NR4A3: variants seen among roughly 807,000 people sequenced by gnomAD.
NR4A3 encodes the protein chondrosarcoma, extraskeletal myxoid, fused to EWS.
NR4A3 carries 13 observed loss-of-function variants against 55.6 expected under a neutral mutation model. The ratio of observed to expected loss-of-function variants is 0.23; its 90% CI spans 0.15 to 0.37. The LOEUF (loss-of-function observed/expected upper bound fraction) is 0.37. Among genes scored for constraint, NR4A3 ranks in the 10% least tolerant of loss-of-function variants. NR4A3 has a pLI of 1.00. For missense variants in NR4A3, 646 were observed against 822.8 expected (o/e 0.79, Z 2.63); for synonymous variants, 342 against 357.9 (o/e 0.96, Z 0.50).
chr9:99,850,145 C>T (rs1026200280), intron 7 of NR4A3, among the ~76,000 whole-genome samples: 1 of 152,126 alleles, frequency 6.6e-6, no homozygotes, highest in Non-Finnish European at 1.5e-5. Flanking sequence ...GAACCTTCCA[C>T]GCCTAGGTGA....
At chr9:99,829,215 G>C in intron 3 of NR4A3, among the ~76,000 whole-genome samples, 1 of 152,184 alleles carries the variant, frequency 6.6e-6, no homozygotes, top group East Asian at 1.9e-4. Context: ...GGGGGTCCGT[G>C]AACCTCCTGG....
intron 5 of NR4A3, among the ~76,000 whole-genome samples, chr9:99,839,507 T>C (rs1253362975): frequency 6.6e-6 from 1 of 152,208 alleles, no homozygotes; most frequent in African/African-American, 2.4e-5. Flanking sequence ...AAATATCTCA[T>C]TTGGGGCCTG....
chr9:99,844,436 G>T (rs1344430893), intron 5 of NR4A3, among the ~76,000 whole-genome samples: 1 of 152,232 alleles, frequency 6.6e-6, no homozygotes, highest in African/African-American at 2.4e-5. Context: ...AAATTTCCTT[G>T]TCTATTAAGT....
chr9:99,835,925 G>A (rs1827552074), intron 5 of NR4A3, among the ~76,000 whole-genome samples: 1 of 152,150 alleles, frequency 6.6e-6, no homozygotes, highest in Admixed American at 6.5e-5. Flanking sequence ...TTTGGGGCCT[G>A]GCTCAATTTT....
At chr9:99,829,838 C>T (rs573802528) in intron 3 of NR4A3, among the ~76,000 whole-genome samples, 74 of 152,308 alleles carry the variant, frequency 4.9e-4, no homozygotes, top group African/African-American at 1.7e-3. Context: ...CAGCCTCCCC[C>T]ATATTTTACC....
At chr9:99,831,522 A>T (rs1349005484) in intron 3 of NR4A3, among the ~76,000 whole-genome samples, 2 of 152,214 alleles carry the variant, frequency 1.3e-5, no homozygotes, top group Non-Finnish European at 2.9e-5. Context: ...AAACTGAAAC[A>T]TGGGGGTTGA....
chr9:99,846,322 C>A (rs1827753039), intron 6 of NR4A3, among the ~76,000 whole-genome samples: 1 of 152,208 alleles, frequency 6.6e-6, no homozygotes, highest in South Asian at 2.1e-4. Context: ...CAAATCCTTT[C>A]TTTTATTTAA....
chr9:99,829,010 C>T lies in NR4A3; in HGVS notation c.951+17C>T. 7.5e-7 allele frequency: 1 copy of T among 1,324,534 alleles called. No homozygotes were observed. Among genetic ancestry groups the T allele is most frequent in the East Asian group, 2.9e-5 (1 of 34,016 alleles). The allele number at this position is 1,324,534 out of a possible 1,614,324, so 82.0% of individuals were successfully genotyped here. ...TTTTTCAAGGTGAGCGCACGCCGCCCCCTCCCCTCCGCACCCAGCCCCCTC... is the reference window on the plus strand; with the variant it reads ...TTTTTCAAGGTGAGCGCACGCCGCCTCCTCCCCTCCGCACCCAGCCCCCTC... On this transcript the variant is annotated intron_variant, in intron 3 of 7. Transcript: ENST00000395097.
chr9:99,842,420 A>G (rs1005141004), intron 5 of NR4A3, among the ~76,000 whole-genome samples: 1 of 152,198 alleles, frequency 6.6e-6, no homozygotes, highest in Non-Finnish European at 1.5e-5. Flanking sequence ...CAGTGAGAGT[A>G]AAGCAAAATG....
intron 5 of NR4A3, among the ~76,000 whole-genome samples, chr9:99,836,535 A>G (rs1348191441): frequency 1.3e-5 from 2 of 152,198 alleles, no homozygotes; most frequent in Non-Finnish European, 2.9e-5. Flanking sequence ...GGAACTTGTA[A>G]TGGATGATTG....
rs1828050410 is a variant in NR4A3 at position 99,863,930 on chromosome 9, G to C, written c.*63G>C. On this transcript the variant is annotated 3_prime_UTR_variant, in exon 8 of 8. Transcript: ENST00000395097. ...GCACCTGCTTGCTACGCAGCAAAGG[G>C]ATAGGTTTGGAAACCTATCATTTCC... 1 of 1,538,904 alleles carries C rather than the reference G, an allele frequency of 6.5e-7. No individual in the cohort carries two copies. The highest frequency in any genetic ancestry group is 1.4e-5 in the African/African-American group (1 of 72,810).
In NR4A3 at chr9:99,827,286, GTGTGTA is replaced by G. The variant is rs1225320582; in HGVS notation, c.-2-753_-2-748del. ...TGTGTGTGTGTGTGTGTGTGTGTGTGTGTGTATATATATATATATGGGTGGGTGTTT... is the reference window on the plus strand; with the variant it reads ...TGTGTGTGTGTGTGTGTGTGTGTGTGTATATATATATATGGGTGGGTGTTT... On this transcript the variant is annotated intron_variant, in intron 2 of 7. Coordinates refer to ENST00000395097, the MANE Select transcript of NR4A3 (RefSeq NM_006981.4). 6.4e-3 allele frequency among the ~76,000 whole-genome samples: 882 copies of G among 137,418 alleles called. 61 individuals carry two copies. The East Asian group carries it at 0.16, about 25-fold the overall frequency. The allele number at this position is 137,418 out of a possible 152,430, so 90.2% of individuals were successfully genotyped here.
chr9:99,863,931 A>T lies in NR4A3; in HGVS notation c.*64A>T. On this transcript the variant is annotated 3_prime_UTR_variant, in exon 8 of 8. Transcript: ENST00000395097. Reference sequence around the variant, plus strand: ...CACCTGCTTGCTACGCAGCAAAGGGATAGGTTTGGAAACCTATCATTTCCT... The same window carrying T: ...CACCTGCTTGCTACGCAGCAAAGGGTTAGGTTTGGAAACCTATCATTTCCT... The T allele has an allele frequency of 6.5e-7, 1 of 1,538,866 alleles. No individual in the cohort carries two copies. Among genetic ancestry groups the T allele is most frequent in the Non-Finnish European group, 8.8e-7 (1 of 1,139,988 alleles).
rs1469834334 is a variant in NR4A3 at position 99,865,070 on chromosome 9, C to T, written c.*1203C>T. On this transcript the variant is annotated 3_prime_UTR_variant, in exon 8 of 8. Coordinates refer to ENST00000395097, the MANE Select transcript of NR4A3 (RefSeq NM_006981.4). This position sits in a 1 kb window ranked among gnomAD's most constrained non-coding sequence, Gnocchi z 4.3. ...GAAGGATTAGTGGGCTGCGTTTCAA[C>T]ATTCCGTGTTCGTACTCCCTTTTGT... The T allele has an allele frequency of 9.9e-6, 2 of 202,586 alleles. No homozygotes were observed. The highest frequency in any genetic ancestry group is 2.0e-5 in the Non-Finnish European group (2 of 98,272). The allele number at this position is 202,586 out of a possible 1,614,324, so 12.5% of individuals were successfully genotyped here. A position where few individuals can be genotyped will look rare whatever the true frequency, so the allele number is the denominator to read the frequency against.
At position 99,864,021 on chromosome 9, in the gene NR4A3, T is replaced by C; in HGVS notation, c.*154T>C. On this transcript the variant is annotated 3_prime_UTR_variant, in exon 8 of 8. Transcript: ENST00000395097. ...AAGACTTTCTTTTTTTTCTGGCTCTTTTCCTTACAACCTAAAGCCAGAAAA... is the reference window on the plus strand; with the variant it reads ...AAGACTTTCTTTTTTTTCTGGCTCTCTTCCTTACAACCTAAAGCCAGAAAA... The C allele has an allele frequency of 5.7e-6, 5 of 878,174 alleles. No individual in the cohort carries two copies. The highest frequency in any genetic ancestry group is 8.4e-6 in the Non-Finnish European group (5 of 591,938). 54.4% of individuals were successfully genotyped at this position (878,174 alleles called of 1,614,324 possible).
intron 2 of NR4A3, among the ~76,000 whole-genome samples, 172 bp from the exon 3 acceptor site, chr9:99,827,869 C>T (rs1827335532): frequency 6.6e-6 from 1 of 152,136 alleles, no homozygotes; most frequent in Non-Finnish European, 1.5e-5. Context: ...AGCTTCCTTA[C>T]TAGGGATGAA....
Position 99,828,486 on chromosome 9 carries a change from C to A in NR4A3, c.444C>A (p.Phe148Leu), listed in dbSNP as rs368591388. The change falls in exon 3 of 8, where the codon TTC becomes TTA. Residue 148 changes from phenylalanine (F) to leucine (L), a missense_variant. Physicochemically the swap from Phe to Leu is conservative, Grantham distance 22. Coordinates refer to ENST00000395097, the MANE Select transcript of NR4A3 (RefSeq NM_006981.4). The surrounding 1 kb of genome is among the most constrained non-coding windows in gnomAD (Gnocchi z 7.7). ...SPPSTPTTPAFPPQAGALWDE... is the reference protein window; with the variant it reads ...SPPSTPTTPALPPQAGALWDE... ...CGTCCACCCCCACCACGCCGGCCTT[C>A]CCCCCGCAGGCGGGGGCGTTATGGG... 2.5e-5 allele frequency: 40 copies of A among 1,577,974 alleles called. No individual in the cohort carries two copies. In the East Asian group the frequency reaches 4.9e-4, roughly 19 times the overall value.
intron 7 of NR4A3, among the ~76,000 whole-genome samples, chr9:99,862,383 A>G (rs1828021255): frequency 6.6e-6 from 1 of 151,592 alleles, no homozygotes; most frequent in Non-Finnish European, 1.5e-5. Flanking sequence ...ATCTCTACTG[A>G]AAATACAAAA....
At chr9:99,852,015 T>G (rs1827857473) in intron 7 of NR4A3, among the ~76,000 whole-genome samples, 1 of 152,168 alleles carries the variant, frequency 6.6e-6, no homozygotes, top group Non-Finnish European at 1.5e-5. Context: ...AAGTCATAGA[T>G]TATGATATAT....
Sources: allele counts gnomAD v4.1 joint callset (sites outside exome capture counted in the v4.1 genomes callset), GRCh38; gene constraint gnomAD v4.1.1; non-coding constraint Gnocchi (gnomAD v3.1); transcripts MANE v1.5; gene names NCBI Gene and HGNC (gene_info 2026-07-23, HGNC 2026-07-21).